The following KCNIP4 variants were observed in gnomAD, a reference collection of about 807,000 sequenced individuals.
KCNIP4 encodes potassium voltage-gated channel interacting protein 4, also known as Kv channel-interacting protein 4.
Under a neutral mutation model 34.0 loss-of-function variants are expected in KCNIP4, and 12 were observed. That is an observed-to-expected ratio of 0.35 (90% CI 0.23 to 0.57). The LOEUF is 0.57. Ranked by LOEUF, KCNIP4 falls within the 20% of genes least tolerant of loss-of-function variation. KCNIP4 has a pLI of 0.83. For missense variants in KCNIP4, 238 were observed against 311.7 expected, an observed-to-expected ratio of 0.76 and a Z score of 1.78; for synonymous variants, 124 against 102.2, an observed-to-expected ratio of 1.21 and a Z score of -1.29.
chr4:21,313,314 C>CA (rs2109279387), intron 1 of KCNIP4, among the ~76,000 whole-genome samples: 1 of 152,276 alleles, frequency 6.6e-6, no homozygotes, highest in Non-Finnish European at 1.5e-5. Context: ...CTCATTACAG[C>CA]TGACATGCTG....
At chr4:21,241,817 A>G (rs1233329971) in intron 1 of KCNIP4, among the ~76,000 whole-genome samples, 3 of 152,146 alleles carry the variant, frequency 2.0e-5, no homozygotes, top group African/African-American at 7.2e-5. Context: ...GTGGTGTGGA[A>G]TATTTATCCG....
At chr4:21,449,433 G>T (rs1006496530) in intron 1 of KCNIP4, among the ~76,000 whole-genome samples, 1 of 152,022 alleles carries the variant, frequency 6.6e-6, no homozygotes, top group Admixed American at 6.6e-5. Context: ...TCGATCATTA[G>T]ATAATAAGAT....
chr4:20,741,832 TAAAG>T (rs560787256), intron 5 of KCNIP4, among the ~76,000 whole-genome samples: 1,941 of 151,912 alleles, frequency 0.013, 20 homozygotes, highest in Non-Finnish European at 0.018. Flanking sequence ...GCAAGGCTAA[TAAAG>T]AAGAAAAGAG....
intron 1 of KCNIP4, among the ~76,000 whole-genome samples, chr4:21,437,174 C>CA (rs938904405): frequency 1.1e-4 from 17 of 151,882 alleles, no homozygotes; most frequent in Admixed American, 3.9e-4. Flanking sequence ...TCTGGTGTGG[C>CA]AAAAAAAGCA....
At chr4:21,092,934 G>A (rs1481858479) in intron 1 of KCNIP4, among the ~76,000 whole-genome samples, 2 of 152,192 alleles carry the variant, frequency 1.3e-5, no homozygotes, top group African/African-American at 4.8e-5. Flanking sequence ...AGAAGTATTT[G>A]ATACAAGGTA....
rs116662802 is a variant in KCNIP4 at position 21,612,158 on chromosome 4, A to T, written c.61+336413T>A. ...TAGAAAAAAAGATTGATTTTTTTTA[A>T]AAAAAGGAGGTTTTTCTGTTTTATT... is the stretch of plus-strand genomic sequence containing the variant. On this transcript the variant is annotated intron_variant, in intron 1 of 8. Coordinates refer to ENST00000382152, the MANE Select transcript of KCNIP4 (RefSeq NM_025221.6). Among the ~76,000 whole-genome samples the T allele has an allele frequency of 1.7e-3, 262 of 151,946 alleles. 1 individual carries two copies. The highest frequency in any genetic ancestry group is 5.6e-3 in the African/African-American group (230 of 41,416).
chr4:21,765,429 C>T (rs1442256179), intron 1 of KCNIP4, among the ~76,000 whole-genome samples: 1 of 151,858 alleles, frequency 6.6e-6, no homozygotes, highest in Admixed American at 6.6e-5. Flanking sequence ...CGCATGTGTC[C>T]ATGTTGCTTA....
chr4:21,930,421 A>G (rs575975860), intron 1 of KCNIP4, among the ~76,000 whole-genome samples: 2 of 152,150 alleles, frequency 1.3e-5, no homozygotes, highest in Non-Finnish European at 2.9e-5. Context: ...TGCTAAACAG[A>G]AGCAATTGAC....
chr4:20,978,666 C>A (rs553532487), intron 1 of KCNIP4, among the ~76,000 whole-genome samples: 6 of 152,180 alleles, frequency 3.9e-5, no homozygotes, highest in Non-Finnish European at 5.9e-5. Flanking sequence ...GATTAGAGGT[C>A]ACCTCCACCA....
At chr4:21,884,915 T>A (rs553541416) in intron 1 of KCNIP4, among the ~76,000 whole-genome samples, 2 of 151,652 alleles carry the variant, frequency 1.3e-5, no homozygotes, top group East Asian at 4.0e-4. Flanking sequence ...CAGGAGTCCA[T>A]CTCAGTGATA....
intron 1 of KCNIP4, among the ~76,000 whole-genome samples, chr4:21,190,919 A>G (rs1378692102): frequency 6.6e-6 from 1 of 152,246 alleles, no homozygotes; most frequent in Non-Finnish European, 1.5e-5. Context: ...AAAAGTAAAT[A>G]TTTTGAAAAG....
intron 1 of KCNIP4, among the ~76,000 whole-genome samples, chr4:20,996,327 C>T (rs1263167585): frequency 6.6e-6 from 1 of 152,178 alleles, no homozygotes; most frequent in African/African-American, 2.4e-5. Flanking sequence ...AATTTCCCTG[C>T]TTACAGTCCC....
intron 1 of KCNIP4, among the ~76,000 whole-genome samples, chr4:21,628,472 T>C (rs928174746): frequency 6.6e-6 from 1 of 152,154 alleles, no homozygotes; most frequent in Non-Finnish European, 1.5e-5. Context: ...AAATTAAAAA[T>C]GAGCCGTGAT....
At chr4:20,758,372 G>C (rs756664436) in intron 4 of KCNIP4, among the ~76,000 whole-genome samples, 3 of 152,096 alleles carry the variant, frequency 2.0e-5, no homozygotes, top group Non-Finnish European at 2.9e-5. Flanking sequence ...TTATAACCCA[G>C]ATCTGCCACT....
intron 1 of KCNIP4, among the ~76,000 whole-genome samples, chr4:21,505,128 T>C (rs1220682641): frequency 6.6e-6 from 1 of 152,194 alleles, no homozygotes; most frequent in Non-Finnish European, 1.5e-5. Context: ...GTGTCATATA[T>C]ATGAATTCAT....
At chr4:21,048,473 C>G (rs550574081) in intron 1 of KCNIP4, among the ~76,000 whole-genome samples, 2 of 152,300 alleles carry the variant, frequency 1.3e-5, no homozygotes, top group South Asian at 4.1e-4. Flanking sequence ...TTGTTACGCA[C>G]TATCTCTGTC....
At chr4:21,184,680 A>G (rs1755086727) in intron 1 of KCNIP4, among the ~76,000 whole-genome samples, 1 of 152,182 alleles carries the variant, frequency 6.6e-6, no homozygotes, top group African/African-American at 2.4e-5. Context: ...CAGCTGTCTT[A>G]TGCATCAATG....
chr4:20,848,231 G>A (rs1420652671), intron 3 of KCNIP4, among the ~76,000 whole-genome samples: 1 of 152,008 alleles, frequency 6.6e-6, no homozygotes, highest in Non-Finnish European at 1.5e-5. Context: ...TTTGTCTCAT[G>A]GGGCAGGGTG....
At chr4:21,224,578 G>GTTTTTTTTT (rs765906146) in intron 1 of KCNIP4, among the ~76,000 whole-genome samples, 2 of 44,880 alleles carry the variant, frequency 4.5e-5, no homozygotes, top group African/African-American at 2.0e-4. Flanking sequence ...TTTTTCAACT[G>GTTTTTTTTT]TTTTTTTTTT....
Sources: allele counts gnomAD v4.1 joint callset (sites outside exome capture counted in the v4.1 genomes callset), GRCh38; gene constraint gnomAD v4.1.1; transcripts MANE v1.5; gene names NCBI Gene and HGNC (gene_info 2026-07-23, HGNC 2026-07-21).